The following OR52N2 variants were observed in gnomAD, a reference collection of about 807,000 sequenced individuals.
OR52N2 encodes olfactory receptor 52N2.
For missense variants in OR52N2, 326 were observed against 196.6 expected, an observed-to-expected ratio of 1.66 and a Z score of -3.94; for synonymous variants, 129 against 72.0, an observed-to-expected ratio of 1.79 and a Z score of -4.01.
intron 1 of OR52N2, among the ~76,000 whole-genome samples, chr11:5,813,237 T>TA (rs147864293): frequency 2.2e-4 from 33 of 149,176 alleles, no homozygotes; most frequent in Non-Finnish European, 3.7e-4. Context: ...ATAGAAATTA[T>TA]AAAAAAAAAG....
Position 5,821,066 on chromosome 11 carries a change from CAT to C in OR52N2, c.732_733del (p.Met247ValfsTer61), listed in dbSNP as rs780246302. The C allele has an allele frequency of 1.3e-6, 1 of 780,906 alleles. No homozygotes were observed. The highest frequency in any genetic ancestry group is 2.4e-6 in the Non-Finnish European group (1 of 418,100). 48.4% of individuals were successfully genotyped at this position (780,906 alleles called of 1,614,324 possible). ...CGTCACAAAGCCTTCAGCACCTGCA[CAT>C]CTCACATGTGTTCCATTGTGATCAC... On this transcript the variant is annotated frameshift_variant, in exon 2 of 2. Coordinates refer to ENST00000317037, the MANE Select transcript of OR52N2 (RefSeq NM_001005174.3). LOFTEE classifies it low-confidence loss of function (END_TRUNC).
Position 5,815,129 on chromosome 11 carries a change from CAA to C in OR52N2, c.-54-5151_-54-5150del, listed in dbSNP as rs1381347020. Among the ~76,000 whole-genome samples the C allele has an allele frequency of 4.0e-5, 6 of 151,500 alleles. No individual in the cohort carries two copies. The South Asian group carries it at 8.3e-4, about 21-fold the overall frequency. ...AAATTATGAAACTCTTGGAAGAAAA[CAA>C]AGAGAAAAAATTTTATGACATTGGA... On this transcript the variant is annotated intron_variant, in intron 1 of 1. Transcript: ENST00000317037.
At chr11:5,818,041 CT>C (rs983642320) in intron 1 of OR52N2, among the ~76,000 whole-genome samples, 2 of 152,040 alleles carry the variant, frequency 1.3e-5, no homozygotes, top group African/African-American at 4.8e-5. Flanking sequence ...CTGCAATTTA[CT>C]TTTTTGAAAT....
rs140927557 is a variant in OR52N2, at chr11:5,819,211, T to TAAA, written c.-54-1063_-54-1061dup. On this transcript the variant is annotated intron_variant, in intron 1 of 1. Transcript: ENST00000317037. The stretch of plus-strand genomic sequence containing the variant: ...TTAAGGATTAGGGTTTTATTCCGAA[T>TAAA]AAAAAAAAAATTGAATAATTAGGAC... 8.4e-4 allele frequency among the ~76,000 whole-genome samples: 127 copies of TAAA among 150,522 alleles called. No homozygotes were observed. The Middle Eastern group carries it at 0.01, about 12-fold the overall frequency.
At chr11:5,814,354 C>CA (rs112077566) in intron 1 of OR52N2, among the ~76,000 whole-genome samples, 3 of 151,830 alleles carry the variant, frequency 2.0e-5, no homozygotes, top group Non-Finnish European at 4.4e-5. Context: ...TATACGTTAA[C>CA]AACAATCTGA....
intron 1 of OR52N2, among the ~76,000 whole-genome samples, chr11:5,812,511 A>AT: frequency 6.8e-6 from 1 of 146,270 alleles, no homozygotes; most frequent in Admixed American, 6.9e-5. Context: ...AAAAAAAAAA[A>AT]AGAAATGAGG....
chr11:5,811,679 C>T (rs889670475), intron 1 of OR52N2, among the ~76,000 whole-genome samples: 1 of 151,988 alleles, frequency 6.6e-6, no homozygotes, highest in Non-Finnish European at 1.5e-5. Context: ...TAAAAAACAA[C>T]AAGAAAACAA....
At position 5,815,667 on chromosome 11, in the gene OR52N2, T is replaced by A. The variant is rs1238935102; in HGVS notation, c.-54-4615T>A. On this transcript the variant is annotated intron_variant, in intron 1 of 1. Transcript: ENST00000317037. ...ACAGCTGCGGTGGAAAACAGTATGG[T>A]AGTTCCTCAAAAAATTAAAACTAAA... is the stretch of plus-strand genomic sequence containing the variant. 2.0e-5 allele frequency among the ~76,000 whole-genome samples: 3 copies of A among 152,278 alleles called. No homozygotes were observed. The South Asian group carries it at 6.2e-4, about 32-fold the overall frequency.
intron 1 of OR52N2, among the ~76,000 whole-genome samples, chr11:5,819,944 C>T (rs1289619831): frequency 6.6e-6 from 1 of 152,154 alleles, no homozygotes; most frequent in African/African-American, 2.4e-5. Context: ...TGGGAAGATT[C>T]TGAGAGCACA....
At chr11:5,816,511 G>A (rs1846405702) in intron 1 of OR52N2, among the ~76,000 whole-genome samples, 1 of 150,990 alleles carries the variant, frequency 6.6e-6, no homozygotes. Context: ...CGGAGGCCAT[G>A]TATGGTCTCC....
At chr11:5,809,209 T>C (rs1341768232) in intron 1 of OR52N2, among the ~76,000 whole-genome samples, 155 bp downstream of exon 1, 3 of 152,150 alleles carry the variant, frequency 2.0e-5, no homozygotes, top group Admixed American at 6.5e-5. Flanking sequence ...GCAATTTACT[T>C]CTGTAGAAGG....
rs766876517 is a variant in OR52N2 at position 5,821,277 on chromosome 11, G to C, written c.942G>C (p.Lys314Asn). The change falls in exon 2 of 2, where the codon AAG becomes AAC. Residue 314 changes from lysine to asparagine, a missense_variant. Transcript: ENST00000317037. ...TAATTAAATTTTTACTTGGAGACAA[G>C]GTTAGTTTTACCTATGACAAATGAA... is the stretch of plus-strand genomic sequence containing the variant. ...EGVIKFLLGD[K>N]VSFTYDK 1.2e-5 allele frequency: 9 copies of C among 779,868 alleles called. No individual in the cohort carries two copies. The highest frequency in any genetic ancestry group is 2.7e-5 in the South Asian group (2 of 74,540). 48.3% of individuals were successfully genotyped at this position (779,868 alleles called of 1,614,324 possible). A position where few individuals can be genotyped will look rare whatever the true frequency, so the allele number is the denominator to read the frequency against.
At chr11:5,817,679 C>T (rs1009904914) in intron 1 of OR52N2, among the ~76,000 whole-genome samples, 1 of 152,150 alleles carries the variant, frequency 6.6e-6, no homozygotes, top group Non-Finnish European at 1.5e-5. Flanking sequence ...TGAACATCAC[C>T]ACAGATTTTA....
chr11:5,818,102 A>C (rs938651267), intron 1 of OR52N2, among the ~76,000 whole-genome samples: 1 of 152,184 alleles, frequency 6.6e-6, no homozygotes, highest in African/African-American at 2.4e-5. Context: ...TAAGCACAGA[A>C]AACTTTTTAG....
chr11:5,810,943 T>C (rs1846356471), intron 1 of OR52N2, among the ~76,000 whole-genome samples: 1 of 152,038 alleles, frequency 6.6e-6, no homozygotes, highest in Admixed American at 6.6e-5. Context: ...AGATGAATGA[T>C]AAAAGCTTTC....
At chr11:5,812,269 C>T (rs1006185402) in intron 1 of OR52N2, among the ~76,000 whole-genome samples, 3 of 151,102 alleles carry the variant, frequency 2.0e-5, no homozygotes, top group Non-Finnish European at 4.4e-5. Flanking sequence ...CCGAGGCAGG[C>T]GGATCACGAG....
chr11:5,814,427 C>A (rs1425431427), intron 1 of OR52N2, among the ~76,000 whole-genome samples: 1 of 151,774 alleles, frequency 6.6e-6, no homozygotes, highest in South Asian at 2.1e-4. Context: ...TAAGAAAATA[C>A]AAAATACATA....
chr11:5,809,058 G>A lies in OR52N2; in HGVS notation c.-55+4G>A, dbSNP rs9630186. 0.58 allele frequency among the ~76,000 whole-genome samples: 88,411 copies of A among 151,868 alleles called. 25,940 individuals are homozygous for A. The highest frequency in any genetic ancestry group is 0.62 in the Non-Finnish European group (42,236 of 67,944). ...CATTGGAATGCGTCTCCCCTGGGTA[G>A]GATGACTGAAGATCCCTTTCTGAAG... On this transcript the variant is annotated splice_donor_region_variant and intron_variant, in intron 1 of 1. Transcript: ENST00000317037.
At chr11:5,812,217 G>A (rs1013715659) in intron 1 of OR52N2, among the ~76,000 whole-genome samples, 4 of 151,874 alleles carry the variant, frequency 2.6e-5, no homozygotes, top group African/African-American at 7.3e-5. Flanking sequence ...GAGGAGGGTC[G>A]GGCAAGGTGG....
Sources: allele counts gnomAD v4.1 joint callset (sites outside exome capture counted in the v4.1 genomes callset), GRCh38; gene constraint gnomAD v4.1.1; transcripts MANE v1.5; gene names NCBI Gene and HGNC (gene_info 2026-07-23, HGNC 2026-07-21).